JAML: variants seen among roughly 807,000 people sequenced by gnomAD.
JAML encodes the protein junction adhesion molecule like, also known as junctional adhesion molecule-like.
Under a neutral mutation model 39.3 loss-of-function variants are expected in JAML, and 25 were observed. That is an observed-to-expected ratio of 0.64 (90% CI 0.46 to 0.89). JAML has a LOEUF of 0.89. JAML is among the 40% of genes least tolerant of loss of function. The probability of loss-of-function intolerance (pLI) is 0.00; values close to 1 mark genes in which losing one functional copy is unlikely to be tolerated. For synonymous variants in JAML, 162 were observed against 179.2 expected (o/e 0.90, Z 0.77); for missense variants, 440 against 486.9 (o/e 0.90, Z 0.91).
At chr11:118,197,938 G>A (rs757153127) in intron 8 of JAML, 60 bp downstream of exon 8, 1 of 1,463,898 alleles carries the variant, frequency 6.8e-7, no homozygotes, top group Admixed American at 1.7e-5. Context: ...GGTTCCCGGG[G>A]GTATGAGAAC....
chr11:118,198,187 A>G lies in JAML; in HGVS notation c.912-96T>C. The stretch of plus-strand genomic sequence containing the variant: ...CCCTCTTGGCTTCGTGAAGAGAGAG[A>G]CACCAGAGAAGGAACTATTCTCTCT... On this transcript the variant is annotated intron_variant, in intron 7 of 9. Transcript: ENST00000356289. 5 of 1,007,554 alleles carry G rather than the reference A, an allele frequency of 5.0e-6. No homozygotes were observed. In the East Asian group the frequency reaches 1.2e-4, roughly 24 times the overall value. The allele number at this position is 1,007,554 out of a possible 1,614,324, so 62.4% of individuals were successfully genotyped here.
Position 118,198,021 on chromosome 11 carries a change from G to T in JAML, c.982C>A (p.His328Asn). ...TNPEIKEKPC[H>N]FERCEGEKHI... is the part of the protein sequence containing the mutation. ...ACCTCCCCTTCACATCTTTCAAAAT[G>T]GCAGGGTTTTTCTTTTATCTCTGGA... Residue 328 changes from histidine (H) to asparagine (N), a missense_variant, in exon 8 of 10, where the codon CAT (histidine) becomes AAT (asparagine). Transcript: ENST00000356289. 1 of 1,614,096 alleles carries T rather than the reference G, an allele frequency of 6.2e-7. No individual in the cohort carries two copies. The highest frequency in any genetic ancestry group is 1.1e-5 in the South Asian group (1 of 91,084).
chr11:118,219,194 T>C (rs980668536), intron 1 of JAML, among the ~76,000 whole-genome samples: 59 of 152,128 alleles, frequency 3.9e-4, no homozygotes, highest in African/African-American at 1.3e-3. Flanking sequence ...TCAGTAATCA[T>C]GGAAATGCAA....
At chr11:118,209,935 G>A (rs2134665382) in intron 4 of JAML, among the ~76,000 whole-genome samples, 1 of 151,896 alleles carries the variant, frequency 6.6e-6, no homozygotes, top group South Asian at 2.1e-4. Context: ...TGCCATCATA[G>A]CTCACTGCAG....
chr11:118,203,261 C>G (rs1018466148), intron 6 of JAML, 167 bp downstream of exon 6: 2 of 759,118 alleles, frequency 2.6e-6, no homozygotes, highest in East Asian at 4.9e-5. Flanking sequence ...TGAGGAGCCA[C>G]CTCTAAGGAG....
chr11:118,200,638 A>T (rs753605832), intron 6 of JAML, 26 bp from the exon 7 acceptor site: 8 of 1,613,846 alleles, frequency 5.0e-6, no homozygotes, highest in Non-Finnish European at 6.8e-6. Context: ...AAGCAAGGAG[A>T]GGGTCTCAAT....
intron 7 of JAML, among the ~76,000 whole-genome samples, chr11:118,200,127 G>A (rs1164027430): frequency 1.3e-5 from 2 of 152,126 alleles, no homozygotes; most frequent in Admixed American, 6.5e-5. Context: ...TATGCGGAAC[G>A]TACAGTATGG....
chr11:118,198,195 G>T, intron 7 of JAML, 104 bp from the exon 8 acceptor site: 1 of 939,862 alleles, frequency 1.1e-6, no homozygotes, highest in Non-Finnish European at 1.7e-6. Flanking sequence ...AGACACCAGA[G>T]AAGGAACTAT....
intron 5 of JAML, 24 bp downstream of exon 5, chr11:118,205,858 A>T (rs1420040696): frequency 6.3e-7 from 1 of 1,596,828 alleles, no homozygotes; most frequent in Non-Finnish European, 8.6e-7. Context: ...CTTCTCTAAC[A>T]CAGTGATGTT....
At chr11:118,213,977 C>T (rs1295015764) in intron 2 of JAML, among the ~76,000 whole-genome samples, 1 of 152,198 alleles carries the variant, frequency 6.6e-6, no homozygotes, top group Non-Finnish European at 1.5e-5. Flanking sequence ...TTTGTACACA[C>T]TCTGGATTGC....
In JAML at chr11:118,212,436, A is replaced by G. The variant is rs1383353368; in HGVS notation, c.169T>C (p.Trp57Arg). 6.2e-7 allele frequency: 1 copy of G among 1,614,178 alleles called. No homozygotes were observed. Among genetic ancestry groups the G allele is most frequent in the South Asian group, 1.1e-5 (1 of 91,086 alleles). ...TEDKCIFKID[W>R]TLSPGEHAKD... is the part of the protein sequence containing the mutation. ...GCGTGCTCTCCTGGTGACAGAGTCC[A>G]GTCTATCTTGAATATACATTTGTCT... Residue 57 changes from tryptophan to arginine, a missense_variant, in exon 3 of 10, where the codon TGG becomes CGG. Coordinates refer to ENST00000356289, the MANE Select transcript of JAML (RefSeq NM_001098526.2).
intron 1 of JAML, among the ~76,000 whole-genome samples, chr11:118,218,179 C>T (rs1464320563): frequency 3.3e-5 from 5 of 152,150 alleles, no homozygotes; most frequent in Non-Finnish European, 5.9e-5. Context: ...CCGCAACCTC[C>T]GCCTCTCGGG....
At chr11:118,194,514 G>A in intron 9 of JAML, 97 bp from the exon 10 acceptor site, 2 of 928,712 alleles carry the variant, frequency 2.2e-6, no homozygotes, top group Non-Finnish European at 3.4e-6. Flanking sequence ...CATGAGCCCG[G>A]CCCAGTACTG....
In JAML at chr11:118,196,851, T is replaced by C. The variant is rs1172605799; in HGVS notation, c.1006-30A>G. 5 of 1,555,406 alleles carry C rather than the reference T, an allele frequency of 3.2e-6. No individual in the cohort carries two copies. In the Admixed American group the frequency reaches 6.7e-5, roughly 21 times the overall value. On this transcript the variant is annotated intron_variant, in intron 8 of 9. Transcript: ENST00000356289. ...AGGGGGAAAATGGTACAAAAATTCCTAAAAATTAGATGAATCTTATACACC... is the reference window on the plus strand; with the variant it reads ...AGGGGGAAAATGGTACAAAAATTCCCAAAAATTAGATGAATCTTATACACC...
intron 1 of JAML, among the ~76,000 whole-genome samples, chr11:118,217,427 A>G (rs1219798065): frequency 6.6e-6 from 1 of 152,226 alleles, no homozygotes; most frequent in Non-Finnish European, 1.5e-5. Context: ...GAAAACGCTC[A>G]TTGTCAGTCC....
chr11:118,197,417 T>C (rs2134641254), intron 8 of JAML: 1 of 152,388 alleles, frequency 6.6e-6, no homozygotes. Flanking sequence ...AGAATAGGAG[T>C]TAAAGAAAAC....
intron 1 of JAML, among the ~76,000 whole-genome samples, chr11:118,219,889 C>G (rs1949191971): frequency 6.6e-6 from 1 of 152,212 alleles, no homozygotes; most frequent in African/African-American, 2.4e-5. Flanking sequence ...AGTCACCACC[C>G]AATCAGAGTT....
chr11:118,204,596 C>T (rs1316069850), intron 5 of JAML: 1 of 152,176 alleles, frequency 6.6e-6, no homozygotes, highest in South Asian at 2.1e-4. Context: ...ACTCTTCCCC[C>T]TACACATATG....
intron 1 of JAML, among the ~76,000 whole-genome samples, chr11:118,223,298 T>G (rs1194558656): frequency 6.6e-6 from 1 of 152,100 alleles, no homozygotes; most frequent in Non-Finnish European, 1.5e-5. Context: ...CGGGCCCATG[T>G]GTCTGAATAA....
Sources: allele counts gnomAD v4.1 joint callset (sites outside exome capture counted in the v4.1 genomes callset), GRCh38; gene constraint gnomAD v4.1.1; transcripts MANE v1.5; gene names NCBI Gene and HGNC (gene_info 2026-07-23, HGNC 2026-07-21).